Variants in CIMIP6 observed in about 807,000 individuals in gnomAD.
CIMIP6 encodes ciliary microtubule inner protein 6, also known as uncharacterized protein C2orf73.
chr2:54,357,506 C>T, the CIMIP6 span, among the ~76,000 whole-genome samples: 5 of 152,066 alleles, frequency 3.3e-5, no homozygotes, highest in East Asian at 7.7e-4. Flanking sequence ...TCTTTCCCTA[C>T]AGTCACCACT....
chr2:54,364,450 A>G, the CIMIP6 span, among the ~76,000 whole-genome samples: 1 of 152,258 alleles, frequency 6.6e-6, no homozygotes, highest in East Asian at 1.9e-4. Context: ...GTATATGTTA[A>G]GTACTGAAGC....
chr2:54,364,753 T>A, the CIMIP6 span, among the ~76,000 whole-genome samples: 1 of 152,342 alleles, frequency 6.6e-6, no homozygotes, highest in Non-Finnish European at 1.5e-5. Context: ...CTTTACTGCA[T>A]TTTGGGATTT....
At chr2:54,350,010 C>T in the CIMIP6 span, among the ~76,000 whole-genome samples, 3 of 152,082 alleles carry the variant, frequency 2.0e-5, no homozygotes, top group Non-Finnish European at 2.9e-5. Flanking sequence ...CCATCATGCC[C>T]GGCTAATTTT....
the CIMIP6 span, among the ~76,000 whole-genome samples, chr2:54,347,141 A>G: frequency 6.6e-6 from 1 of 152,238 alleles, no homozygotes. Flanking sequence ...AGTTGTTTCT[A>G]TAAAACATTC....
chr2:54,333,697 T>A, the CIMIP6 span, among the ~76,000 whole-genome samples: 219 of 152,190 alleles, frequency 1.4e-3, no homozygotes, highest in African/African-American at 5.2e-3. Context: ...AAGACCACCC[T>A]GGCCAACATG....
the CIMIP6 span, among the ~76,000 whole-genome samples, chr2:54,363,517 C>A: frequency 3.9e-5 from 6 of 152,206 alleles, no homozygotes; most frequent in African/African-American, 1.4e-4. Flanking sequence ...TCTTCATATT[C>A]ATTGACTCTA....
chr2:54,370,099 A>G, the CIMIP6 span, among the ~76,000 whole-genome samples: 6 of 152,082 alleles, frequency 3.9e-5, no homozygotes, highest in Non-Finnish European at 8.8e-5. Context: ...TACTAAAAAT[A>G]TAAAAATTAG....
chr2:54,366,240 C>G, the CIMIP6 span, among the ~76,000 whole-genome samples: 18 of 152,292 alleles, frequency 1.2e-4, no homozygotes, highest in South Asian at 3.7e-3. Flanking sequence ...GATGTAGGCA[C>G]TATTTTCTTT....
the CIMIP6 span, chr2:54,343,633 G>T: frequency 1.1e-6 from 1 of 948,620 alleles, no homozygotes; most frequent in South Asian, 3.3e-5. Flanking sequence ...TTGTTAAATT[G>T]AATTACTGAA....
the CIMIP6 span, among the ~76,000 whole-genome samples, chr2:54,339,568 G>A: frequency 1.7e-4 from 13 of 75,078 alleles, 5 homozygotes; most frequent in Non-Finnish European, 3.8e-4. Flanking sequence ...AGCACTCATA[G>A]CATCTATAGC....
At chr2:54,378,244 T>C in the CIMIP6 span, among the ~76,000 whole-genome samples, 2 of 152,226 alleles carry the variant, frequency 1.3e-5, no homozygotes, top group African/African-American at 4.8e-5. Context: ...AAAACTGACC[T>C]GGGTTTGTGG....
chr2:54,347,870 C>A, the CIMIP6 span, among the ~76,000 whole-genome samples: 1 of 152,182 alleles, frequency 6.6e-6, no homozygotes, highest in Non-Finnish European at 1.5e-5. Flanking sequence ...ATTTTTACCC[C>A]ATTCCCTTCC....
At chr2:54,368,317 T>G in the CIMIP6 span, among the ~76,000 whole-genome samples, 1 of 151,712 alleles carries the variant, frequency 6.6e-6, no homozygotes, top group Non-Finnish European at 1.5e-5. Flanking sequence ...GCCTATGATG[T>G]CTGGTATACA....
the CIMIP6 span, among the ~76,000 whole-genome samples, chr2:54,381,471 T>G: frequency 6.6e-6 from 1 of 152,218 alleles, no homozygotes; most frequent in African/African-American, 2.4e-5. Context: ...TTAATACCCC[T>G]TACAGGGAAC....
the CIMIP6 span, chr2:54,359,145 G>C: frequency 9.1e-6 from 8 of 878,736 alleles, no homozygotes; most frequent in Admixed American, 3.0e-5. Flanking sequence ...GCTTTTTCAA[G>C]TCATAATTAT....
At chr2:54,333,608 G>T in the CIMIP6 span, among the ~76,000 whole-genome samples, 1 of 152,118 alleles carries the variant, frequency 6.6e-6, no homozygotes, top group Non-Finnish European at 1.5e-5. Flanking sequence ...AATGATGTGG[G>T]CGAGGCACAG....
chr2:54,335,555 AT>A, the CIMIP6 span, among the ~76,000 whole-genome samples: 2 of 152,336 alleles, frequency 1.3e-5, no homozygotes, highest in East Asian at 3.9e-4. Flanking sequence ...TCACAGTCAT[AT>A]TTCTGTCCCA....
chr2:54,334,995 A>G, the CIMIP6 span: 1 of 1,603,526 alleles, frequency 6.2e-7, no homozygotes, highest in Non-Finnish European at 8.5e-7. Context: ...ATTTCCCTAC[A>G]TAGATCCCAA....
chr2:54,364,807 T>C, the CIMIP6 span, among the ~76,000 whole-genome samples: 1 of 152,250 alleles, frequency 6.6e-6, no homozygotes, highest in African/African-American at 2.4e-5. Flanking sequence ...ACGGACTACG[T>C]TGATGTTGGA....
Sources: gnomAD v4.1 joint callset for allele counts (sites outside exome capture counted in the v4.1 genomes callset) on GRCh38, gnomAD v4.1.1 for gene constraint, MANE v1.5 for transcripts, NCBI Gene and HGNC (gene_info 2026-07-23, HGNC 2026-07-21) for gene names.